The following ATP11C variants were observed in gnomAD, a reference collection of about 807,000 sequenced individuals.
ATP11C encodes phospholipid-transporting ATPase IG.
A neutral mutation model predicts 97.4 loss-of-function variants in ATP11C; 36 were observed. That is an observed-to-expected ratio of 0.37 (90% CI 0.28 to 0.49). The LOEUF is 0.49. Among genes scored for constraint, ATP11C ranks in the 20% least tolerant of loss-of-function variants. The pLI is 0.98. For synonymous variants in ATP11C, 275 were observed against 290.9 expected (o/e 0.95, Z 0.56); for missense variants, 730 against 824.6 (o/e 0.89, Z 1.40).
intron 6 of ATP11C, among the ~76,000 whole-genome samples, chrX:139,803,766 T>C (rs1161166626): frequency 1.0e-5 from 1 of 97,081 alleles, no homozygotes; most frequent in Non-Finnish European, 2.0e-5. Context: ...TGGCGTGATC[T>C]TGGCTCACTG....
intron 12 of ATP11C, among the ~76,000 whole-genome samples, chrX:139,794,741 G>C (rs1014915246): frequency 4.5e-5 from 5 of 112,055 alleles, no homozygotes; most frequent in Non-Finnish European, 7.5e-5. Flanking sequence ...TCTGAAAGAG[G>C]TAAGAGTCTC....
intron 1 of ATP11C, among the ~76,000 whole-genome samples, chrX:139,849,778 C>T (rs2083961467): frequency 8.9e-6 from 1 of 112,627 alleles, no homozygotes; most frequent in South Asian, 3.7e-4. Flanking sequence ...AGAGATAGGA[C>T]CGGAACCCTT....
At chrX:139,894,855 G>C (rs982381738) in intron 1 of ATP11C, among the ~76,000 whole-genome samples, 1 of 111,363 alleles carries the variant, frequency 9.0e-6, no homozygotes, top group Non-Finnish European at 1.9e-5. Flanking sequence ...CACATTCTTC[G>C]AGACCAGCCT....
intron 22 of ATP11C, among the ~76,000 whole-genome samples, 159 bp downstream of exon 22, chrX:139,761,802 T>C (rs1046304316): frequency 9.0e-6 from 1 of 110,562 alleles, no homozygotes; most frequent in Non-Finnish European, 1.9e-5. Context: ...TTCTGGTTTC[T>C]GATTCATCCA....
rs745585515 is a variant in ATP11C at position 139,757,215 on chromosome X, CCTGTATTTCG to C, written c.2700+583_2700+592del. On this transcript the variant is annotated intron_variant, in intron 23 of 29. Transcript: ENST00000682941. ...TTCTGAGTCACTGAGTACTATAGCT[CCTGTATTTCG>C]CTGTATTTCGCTATACCTCCCACTA... Among the ~76,000 whole-genome samples, 468 of 111,100 alleles carry C rather than the reference CCTGTATTTCG, an allele frequency of 4.2e-3. 1 individual carries two copies. The highest frequency in any genetic ancestry group is 0.014 in the African/African-American group (432 of 30,660).
intron 2 of ATP11C, among the ~76,000 whole-genome samples, chrX:139,823,910 AT>A (rs1569472664): frequency 9.0e-6 from 1 of 110,698 alleles, no homozygotes; most frequent in East Asian, 2.8e-4. Flanking sequence ...ACAAATTATG[AT>A]TCTGGCAAAA....
chrX:139,740,864 T>C (rs1414098417), intron 27 of ATP11C, 127 bp downstream of exon 27: 7 of 437,319 alleles, frequency 1.6e-5, no homozygotes, highest in Non-Finnish European at 2.8e-5. Flanking sequence ...AGGCCATTAA[T>C]ATTAAAGACG....
At chrX:139,800,492 G>A (rs947219153) in intron 7 of ATP11C, among the ~76,000 whole-genome samples, 6 of 111,840 alleles carry the variant, frequency 5.4e-5, no homozygotes, top group Admixed American at 4.8e-4. Context: ...TTTCAAAACC[G>A]CTAGTTCAGT....
intron 1 of ATP11C, among the ~76,000 whole-genome samples, chrX:139,838,610 T>A (rs912372767): frequency 8.9e-6 from 1 of 111,968 alleles, no homozygotes; most frequent in Non-Finnish European, 1.9e-5. Context: ...AAAACAGGTA[T>A]CAGAACAAAA....
At position 139,861,328 on chromosome X, in the gene ATP11C, C is replaced by T. The variant is rs202209003; in HGVS notation, c.28-34505G>A. On this transcript the variant is annotated intron_variant, in intron 1 of 29. Transcript: ENST00000682941. ...TTTCATAAACATTTTAAATTAAGTA[C>T]AAATATGTCAGGTTCAGGAGATACA... Among the ~76,000 whole-genome samples the T allele has an allele frequency of 2.7e-5, 3 of 111,864 alleles. No individual in the cohort carries two copies. The East Asian group carries it at 8.4e-4, about 31-fold the overall frequency.
rs1349730303 is a variant in ATP11C at position 139,832,321 on chromosome X, T to C, written c.28-5498A>G. 6.3e-6 allele frequency: 7 copies of C among 1,113,684 alleles called. No homozygotes were observed. In the South Asian group the frequency reaches 7.3e-5, roughly 12 times the overall value. 91.8% of individuals were successfully genotyped at this position (1,113,684 alleles called of 1,213,427 possible). A position where few individuals can be genotyped will look rare whatever the true frequency, so the allele number is the denominator to read the frequency against. On this transcript the variant is annotated intron_variant, in intron 1 of 29. Transcript: ENST00000682941. ...CAGAACTTGGGAAGTGAGCCAATTA[T>C]GGCTTGCCTAGTTCCTGTACTTCCA...
In ATP11C at chrX:139,886,136, A is replaced by G. The variant is rs748961909; in HGVS notation, c.27+45880T>C. On this transcript the variant is annotated intron_variant, in intron 1 of 29. Transcript: ENST00000682941. Reference sequence around the variant, plus strand: ...TGTAATTATCTATCCAGAAAATATAAAAGAATCTATAAGAGACTACTAGAT... The same window carrying G: ...TGTAATTATCTATCCAGAAAATATAGAAGAATCTATAAGAGACTACTAGAT... Among the ~76,000 whole-genome samples the G allele has an allele frequency of 3.6e-5, 4 of 111,906 alleles. 1 individual carries two copies. In the Admixed American group the frequency reaches 3.8e-4, roughly 11 times the overall value.
Position 139,754,799 on chromosome X carries a change from T to C in ATP11C, c.2700+3009A>G, listed in dbSNP as rs190630409. ...AAAAGGTTTTCAATAAAATCCATCATGTTAAAAACTCTCAACAAACGAGGC... is the reference window on the plus strand; with the variant it reads ...AAAAGGTTTTCAATAAAATCCATCACGTTAAAAACTCTCAACAAACGAGGC... On this transcript the variant is annotated intron_variant, in intron 23 of 29. Coordinates refer to ENST00000682941, the MANE Select transcript of ATP11C (RefSeq NM_001353812.2). 2.7e-5 allele frequency among the ~76,000 whole-genome samples: 3 copies of C among 112,038 alleles called. No homozygotes were observed. The Admixed American group carries it at 2.8e-4, about 11-fold the overall frequency.
chrX:139,788,124 A>G, intron 14 of ATP11C, 68 bp downstream of exon 14: 1 of 1,020,797 alleles, frequency 9.8e-7, no homozygotes. Flanking sequence ...CAAACGGAAA[A>G]AAACAAATAA....
intron 1 of ATP11C, among the ~76,000 whole-genome samples, chrX:139,865,632 T>C (rs181525563): frequency 1.8e-5 from 2 of 109,955 alleles, no homozygotes; most frequent in African/African-American, 6.6e-5. Flanking sequence ...CGTGGTGGCG[T>C]GCACCTGTAA....
At chrX:139,873,706 CAAAAAAAAA>C (rs58064711) in intron 1 of ATP11C, among the ~76,000 whole-genome samples, 3 of 17,308 alleles carry the variant, frequency 1.7e-4, no homozygotes, top group South Asian at 4.1e-3. Context: ...GACTCCAACT[CAAAAAAAAA>C]AAAAAAAAAA....
chrX:139,793,922 C>A (rs926781321), intron 12 of ATP11C, among the ~76,000 whole-genome samples: 5 of 111,251 alleles, frequency 4.5e-5, no homozygotes, highest in African/African-American at 1.6e-4. Context: ...TAATACCTAG[C>A]ACACACACAC....
chrX:139,910,458 T>C (rs1301567963), intron 1 of ATP11C, among the ~76,000 whole-genome samples: 1 of 109,956 alleles, frequency 9.1e-6, no homozygotes, highest in Admixed American at 9.8e-5. Context: ...TACAAAAAAT[T>C]AGCCGGGCAT....
chrX:139,893,451 A>G (rs1188659134), intron 1 of ATP11C, among the ~76,000 whole-genome samples: 1 of 111,972 alleles, frequency 8.9e-6, no homozygotes, highest in African/African-American at 3.2e-5. Context: ...TCATTCTCAT[A>G]TTTGTAGTCA....
Sources: allele counts gnomAD v4.1 joint callset (sites outside exome capture counted in the v4.1 genomes callset), GRCh38; gene constraint gnomAD v4.1.1; transcripts MANE v1.5; gene names NCBI Gene and HGNC (gene_info 2026-07-23, HGNC 2026-07-21).